CCDC61: variants seen among roughly 807,000 people sequenced by gnomAD.
CCDC61 encodes coiled-coil domain containing 61, also known as centrosomal protein CCDC61.
CCDC61 carries 55 observed loss-of-function variants against 63.0 expected under a neutral mutation model. That is an observed-to-expected ratio of 0.87 (90% CI 0.70 to 1.09). The LOEUF is 1.09. Ranked by LOEUF, CCDC61 falls within the 50% of genes least tolerant of loss-of-function variation. The pLI is 0.00. For missense variants in CCDC61, 651 were observed against 731.4 expected, an observed-to-expected ratio of 0.89 and a Z score of 1.27; for synonymous variants, 270 against 317.0, an observed-to-expected ratio of 0.85 and a Z score of 1.58.
At chr19:46,004,128 C>T (rs1310554873) in intron 3 of CCDC61, among the ~76,000 whole-genome samples, 6 of 151,590 alleles carry the variant, frequency 4.0e-5, no homozygotes, top group Admixed American at 6.6e-5. Flanking sequence ...TTAGTAGAGA[C>T]GGGGTTTCAT....
intron 5 of CCDC61, among the ~76,000 whole-genome samples, chr19:46,013,728 T>TTGG (rs1418801664): frequency 1.3e-5 from 2 of 151,512 alleles, no homozygotes; most frequent in Non-Finnish European, 2.9e-5. Flanking sequence ...TTAGCCAGGG[T>TTGG]TGGTGGTGGG....
Position 46,018,482 on chromosome 19 carries a change from C to A in CCDC61, c.*95C>A. On this transcript the variant is annotated 3_prime_UTR_variant, in exon 14 of 14. Transcript: ENST00000595358. The surrounding 1 kb of genome is among the most constrained non-coding windows in gnomAD (Gnocchi z 4.2). Reference sequence around the variant, plus strand: ...GGTGGCCTCCAGCCCTGCCCAGTCCCTGCCCTGGCCCCGTCCCTCCTGCTG... The same window carrying A: ...GGTGGCCTCCAGCCCTGCCCAGTCCATGCCCTGGCCCCGTCCCTCCTGCTG... The A allele has an allele frequency of 1.0e-6, 1 of 969,424 alleles. No individual in the cohort carries two copies. Among genetic ancestry groups the A allele is most frequent in the Non-Finnish European group, 1.6e-6 (1 of 640,548 alleles). The allele number at this position is 969,424 out of a possible 1,614,324, so 60.1% of individuals were successfully genotyped here. A position where few individuals can be genotyped will look rare whatever the true frequency, so the allele number is the denominator to read the frequency against.
rs1415818788 is a variant in CCDC61, at chr19:46,015,864, G to C, written c.846-190G>C. Among the ~76,000 whole-genome samples the C allele has an allele frequency of 6.6e-6, 1 of 151,906 alleles. No homozygotes were observed. Among genetic ancestry groups the C allele is most frequent in the Non-Finnish European group, 1.5e-5 (1 of 67,940 alleles). Reference sequence around the variant, plus strand: ...GAAAGGATGTAGGGGAATGACAGAGGGGTGTTTTAGGGGTCCAATTGGGTG... The same window carrying C: ...GAAAGGATGTAGGGGAATGACAGAGCGGTGTTTTAGGGGTCCAATTGGGTG... On this transcript the variant is annotated intron_variant, in intron 7 of 13. Transcript: ENST00000595358. The surrounding 1 kb of genome is among the most constrained non-coding windows in gnomAD (Gnocchi z 5.3).
chr19:46,004,114 A>G (rs1034272206), intron 3 of CCDC61, among the ~76,000 whole-genome samples: 6 of 151,370 alleles, frequency 4.0e-5, no homozygotes, highest in Non-Finnish European at 5.9e-5. Flanking sequence ...AATTTTTTGT[A>G]TTTTTAGTAG....
intron 5 of CCDC61, among the ~76,000 whole-genome samples, chr19:46,012,913 G>A (rs1968856193): frequency 6.7e-6 from 1 of 150,368 alleles, no homozygotes; most frequent in Non-Finnish European, 1.5e-5. Flanking sequence ...GTGCAGTAGT[G>A]CAGTCATGGC....
chr19:46,003,528 T>TG, intron 3 of CCDC61, 27 bp downstream of exon 3: 1 of 883,174 alleles, frequency 1.1e-6, no homozygotes. Flanking sequence ...CGGGTTGGGG[T>TG]GGGAGGGGGG....
chr19:46,009,787 G>T (rs1204988716), intron 5 of CCDC61, among the ~76,000 whole-genome samples: 1 of 150,500 alleles, frequency 6.6e-6, no homozygotes, highest in Non-Finnish European at 1.5e-5. Flanking sequence ...TTTATCCTCA[G>T]GATCTGCTCT....
intron 5 of CCDC61, among the ~76,000 whole-genome samples, chr19:46,009,837 T>TGTGTGC (rs1272891549): frequency 2.8e-4 from 42 of 151,348 alleles, no homozygotes; most frequent in Admixed American, 2.3e-3. Context: ...TGTGTGTGTG[T>TGTGTGC]GCGCGCGCGT....
chr19:46,004,942 G>A (rs1278698875), intron 3 of CCDC61, among the ~76,000 whole-genome samples: 3 of 139,914 alleles, frequency 2.1e-5, no homozygotes, highest in African/African-American at 8.0e-5. Flanking sequence ...GGGTTCAAGT[G>A]ATTCTCATGC....
intron 5 of CCDC61, among the ~76,000 whole-genome samples, chr19:46,008,691 G>A (rs1199038966): frequency 6.6e-6 from 1 of 152,216 alleles, no homozygotes; most frequent in Non-Finnish European, 1.5e-5. Flanking sequence ...TTACAGGCAT[G>A]AGCCACTGCG....
intron 3 of CCDC61, 103 bp from the exon 4 acceptor site, chr19:46,006,456 C>CA (rs1968711377): frequency 8.4e-7 from 1 of 1,186,304 alleles, no homozygotes; most frequent in East Asian, 2.7e-5. Flanking sequence ...GAAAGCCTAG[C>CA]CCGCCTAGAG....
At chr19:45,996,644 C>T (rs1968498348) in intron 1 of CCDC61, among the ~76,000 whole-genome samples, 3 of 152,182 alleles carry the variant, frequency 2.0e-5, no homozygotes, top group Admixed American at 2.0e-4. Context: ...AGGTGATCCA[C>T]CCGCCTCAGC....
At chr19:46,014,074 T>C (rs1968878758) in intron 5 of CCDC61, among the ~76,000 whole-genome samples, 1 of 152,116 alleles carries the variant, frequency 6.6e-6, no homozygotes, top group African/African-American at 2.4e-5. Flanking sequence ...ATAAAATATT[T>C]TTATAGTTCC....
chr19:46,015,233 C>A lies in CCDC61; in HGVS notation c.736C>A (p.Gln246Lys). The A allele has an allele frequency of 7.3e-7, 1 of 1,370,932 alleles. No individual in the cohort carries two copies. Among genetic ancestry groups the A allele is most frequent in the Non-Finnish European group, 9.4e-7 (1 of 1,068,572 alleles). 84.9% of individuals were successfully genotyped at this position (1,370,932 alleles called of 1,614,324 possible). ...GCACAGGGTGGCCGGCCGTCGCGGC[C>A]AGGACTGCCGCCGTCTGGCCAAGGA... is the stretch of plus-strand genomic sequence containing the variant. Reference protein sequence around the residue: ...LGHRVAGRRGQDCRRLAKELE... With the variant: ...LGHRVAGRRGKDCRRLAKELE... Residue 246 changes from glutamine (Q) to lysine (K), a missense_variant, in exon 6 of 14, where the codon CAG becomes AAG. Gln to Lys is a moderately conservative substitution (Grantham distance 53). Transcript: ENST00000595358. This position sits in a 1 kb window ranked among gnomAD's most constrained non-coding sequence, Gnocchi z 5.3.
At chr19:45,999,640 G>C (rs142448161) in intron 1 of CCDC61, among the ~76,000 whole-genome samples, 1 of 152,232 alleles carries the variant, frequency 6.6e-6, no homozygotes, top group Non-Finnish European at 1.5e-5. Context: ...CCGGCCCCGG[G>C]GTAAGAGCTG....
chr19:46,002,354 A>G (rs1215103583), intron 1 of CCDC61, among the ~76,000 whole-genome samples: 2 of 152,136 alleles, frequency 1.3e-5, no homozygotes, highest in South Asian at 4.1e-4. Context: ...ATGAATAATA[A>G]TAAATATATA....
chr19:45,996,129 G>A (rs564561073), intron 1 of CCDC61: 1 of 153,782 alleles, frequency 6.5e-6, no homozygotes, highest in East Asian at 1.9e-4. Flanking sequence ...TGGGCCAGTT[G>A]TTTAACCCTT....
At position 46,017,099 on chromosome 19, in the gene CCDC61, C is replaced by T. The variant is rs770563011; in HGVS notation, c.1310+30C>T. 1.9e-6 allele frequency: 3 copies of T among 1,601,260 alleles called. No homozygotes were observed. In the South Asian group the frequency reaches 3.4e-5, roughly 18 times the overall value. ...AACTTGAACTTGGGAAAAGGATCGC[C>T]TCCAAAGGGTTTCTGGGGAGACTAG... On this transcript the variant is annotated intron_variant, in intron 11 of 13. Transcript: ENST00000595358.
At chr19:46,002,477 G>C (rs925698341) in intron 1 of CCDC61, among the ~76,000 whole-genome samples, 1 of 139,694 alleles carries the variant, frequency 7.2e-6, no homozygotes, top group African/African-American at 2.7e-5. Flanking sequence ...GTCTCACTCT[G>C]TCACCCAGAC....
Sources: allele counts gnomAD v4.1 joint callset (sites outside exome capture counted in the v4.1 genomes callset), GRCh38; gene constraint gnomAD v4.1.1; non-coding constraint Gnocchi (gnomAD v3.1); transcripts MANE v1.5; gene names NCBI Gene and HGNC (gene_info 2026-07-23, HGNC 2026-07-21).